Variants in IQSEC1 observed in about 807,000 individuals in gnomAD.
IQSEC1 encodes the protein IQ motif and Sec7 domain ArfGEF 1.
In IQSEC1, 31 loss-of-function variants were observed where a neutral mutation model predicts 91.0. That is an observed-to-expected ratio of 0.34 (90% CI 0.26 to 0.46). IQSEC1 has a LOEUF of 0.46. Among genes scored for constraint, IQSEC1 ranks in the 20% least tolerant of loss-of-function variants. The pLI, the probability that IQSEC1 is intolerant of heterozygous loss-of-function variation, is 1.00. For synonymous variants in IQSEC1, 699 were observed against 662.6 expected (o/e 1.05, Z -0.84); for missense variants, 1,388 against 1,575.6 (o/e 0.88, Z 2.02).
At chr3:12,993,702 G>A (rs1702097243) in intron 1 of IQSEC1, among the ~76,000 whole-genome samples, 1 of 152,206 alleles carries the variant, frequency 6.6e-6, no homozygotes, top group Non-Finnish European at 1.5e-5. Context: ...GGGCTTCTGC[G>A]TCCTCACCGC....
intron 1 of IQSEC1, chr3:13,053,267 T>C (rs775695312): frequency 7.1e-5 from 41 of 574,610 alleles, no homozygotes; most frequent in Admixed American, 3.0e-4. Flanking sequence ...TCATCCTTGC[T>C]GGAGCATCTA....
chr3:13,002,981 A>G (rs1702485197), intron 1 of IQSEC1, among the ~76,000 whole-genome samples: 1 of 152,230 alleles, frequency 6.6e-6, no homozygotes, highest in Non-Finnish European at 1.5e-5. Flanking sequence ...CTAGGTATCT[A>G]CTAAAGAGAA....
At chr3:12,996,714 C>T (rs920171797) in intron 1 of IQSEC1, among the ~76,000 whole-genome samples, 18 of 151,858 alleles carry the variant, frequency 1.2e-4, no homozygotes, top group African/African-American at 1.7e-4. Flanking sequence ...TCTTTCAAAT[C>T]GATAGGAAAA....
intron 1 of IQSEC1, among the ~76,000 whole-genome samples, chr3:12,959,979 G>C (rs1700143414): frequency 6.6e-6 from 1 of 152,000 alleles, no homozygotes; most frequent in Non-Finnish European, 1.5e-5. Flanking sequence ...TGGCCCAGAG[G>C]GAACAGAGAA....
intron 1 of IQSEC1, among the ~76,000 whole-genome samples, chr3:13,251,143 C>T (rs145457367): frequency 1.3e-5 from 2 of 152,310 alleles, no homozygotes; most frequent in East Asian, 3.9e-4. Flanking sequence ...TTTGCACTGG[C>T]TGAGCCCTGG....
chr3:13,263,356 T>C (rs1695422943), intron 1 of IQSEC1, among the ~76,000 whole-genome samples: 1 of 146,220 alleles, frequency 6.8e-6, no homozygotes, highest in Non-Finnish European at 1.5e-5. Context: ...TTTGTGCATT[T>C]ATCACTATTT....
chr3:13,261,927 C>T (rs1695395888), intron 1 of IQSEC1, among the ~76,000 whole-genome samples: 1 of 152,224 alleles, frequency 6.6e-6, no homozygotes, highest in South Asian at 2.1e-4. Context: ...AATATCTGCC[C>T]AGTTTTTCCT....
chr3:12,909,514 T>C lies in IQSEC1; in HGVS notation c.2417-80A>G. 1 of 1,403,762 alleles carries C rather than the reference T, an allele frequency of 7.1e-7. No individual in the cohort carries two copies. The allele number at this position is 1,403,762 out of a possible 1,614,324, so 87.0% of individuals were successfully genotyped here. ...AATCTCCTCTCTGGTCAGGAAACAA[T>C]GGTAGGGCTGAGTTGTGCGTGAGCC... On this transcript the variant is annotated intron_variant, in intron 10 of 13. Coordinates refer to ENST00000613206, the MANE Select transcript of IQSEC1 (RefSeq NM_001134382.3). This position sits in a 1 kb window ranked among gnomAD's most constrained non-coding sequence, Gnocchi z 4.9.
chr3:13,023,485 C>T (rs1167093627), intron 1 of IQSEC1, among the ~76,000 whole-genome samples: 1 of 152,174 alleles, frequency 6.6e-6, no homozygotes, highest in African/African-American at 2.4e-5. Flanking sequence ...ACCTGGCACC[C>T]AGCAGGGCCC....
chr3:13,202,798 G>A (rs1209523159), intron 1 of IQSEC1, among the ~76,000 whole-genome samples: 1 of 152,144 alleles, frequency 6.6e-6, no homozygotes, highest in African/African-American at 2.4e-5. Flanking sequence ...TATCTGCATT[G>A]CACCACGATA....
At chr3:12,995,462 T>G (rs1430021605) in intron 1 of IQSEC1, among the ~76,000 whole-genome samples, 1 of 152,228 alleles carries the variant, frequency 6.6e-6, no homozygotes, top group African/African-American at 2.4e-5. Flanking sequence ...AGGAGGATTA[T>G]TCATTTACTT....
rs537797731 is a variant in IQSEC1, at chr3:13,195,691, T to C, written c.273-31558A>G. On this transcript the variant is annotated intron_variant, in intron 1 of 15. Transcript: ENST00000648114. ...TGACAAAATTACAGAAATGGGGTTG[T>C]GCAGGGAAGTGGATGTGGCTGTCAA... Among the ~76,000 whole-genome samples, 22 of 152,302 alleles carry C rather than the reference T, an allele frequency of 1.4e-4. 1 individual carries two copies. In the South Asian group the frequency reaches 4.4e-3, roughly 30 times the overall value.
chr3:13,015,871 C>T (rs1036986121), intron 1 of IQSEC1, among the ~76,000 whole-genome samples: 1 of 152,190 alleles, frequency 6.6e-6, no homozygotes. Context: ...AATAATACAC[C>T]CACCTCCCTG....
intron 1 of IQSEC1, among the ~76,000 whole-genome samples, chr3:12,986,269 T>C (rs78404605): frequency 0.021 from 3,139 of 152,188 alleles, 110 homozygotes; most frequent in African/African-American, 0.071. Context: ...TTGTCCCGAC[T>C]TTTTCCCCAG....
In IQSEC1 at chr3:13,238,771, C is replaced by A. The variant is rs76918730; in HGVS notation, c.272+43940G>T. ...CATGTCCTTGAGGATGGCCTCCACT[C>A]TGAGTCCAGTCCAAGCCACACACCA... On this transcript the variant is annotated intron_variant, in intron 1 of 15. Transcript: ENST00000648114. Among the ~76,000 whole-genome samples, 1,381 of 152,310 alleles carry A rather than the reference C, an allele frequency of 9.1e-3. 13 individuals are homozygous for A. The highest frequency in any genetic ancestry group is 0.068 in the Middle Eastern group (20 of 294).
chr3:12,948,081 C>T (rs1187542749), intron 1 of IQSEC1, among the ~76,000 whole-genome samples: 3 of 152,168 alleles, frequency 2.0e-5, no homozygotes. Context: ...GCTGTGTGAC[C>T]ACAGGAGGAA....
At chr3:13,045,811 G>C (rs563095519) in intron 1 of IQSEC1, among the ~76,000 whole-genome samples, 3 of 152,344 alleles carry the variant, frequency 2.0e-5, no homozygotes, top group Admixed American at 2.0e-4. Flanking sequence ...CTTCCCTGGG[G>C]CCACCCTGAC....
chr3:13,278,604 A>G (rs1695735305), intron 1 of IQSEC1, among the ~76,000 whole-genome samples: 1 of 152,166 alleles, frequency 6.6e-6, no homozygotes, highest in South Asian at 2.1e-4. Flanking sequence ...GGATCACCTG[A>G]GGTCAGGAGT....
intron 1 of IQSEC1, among the ~76,000 whole-genome samples, chr3:13,070,055 T>G: frequency 1.8e-5 from 2 of 113,394 alleles, no homozygotes; most frequent in African/African-American, 3.5e-5. Flanking sequence ...GCCCAGAGAG[T>G]GGAAGTGGCG....
Sources: gnomAD v4.1 joint callset for allele counts (sites outside exome capture counted in the v4.1 genomes callset) on GRCh38, gnomAD v4.1.1 for gene constraint, Gnocchi (gnomAD v3.1) non-coding constraint, MANE v1.5 for transcripts, NCBI Gene and HGNC (gene_info 2026-07-23, HGNC 2026-07-21) for gene names.